Variants in RUBCN observed in about 807,000 individuals in gnomAD.
RUBCN encodes the protein run domain Beclin-1-interacting and cysteine-rich domain-containing protein.
A neutral mutation model predicts 113.2 loss-of-function variants in RUBCN; 74 were observed. That is an observed-to-expected ratio of 0.65 (90% CI 0.54 to 0.79). The LOEUF is 0.79. Ranked by LOEUF, RUBCN falls within the 30% of genes least tolerant of loss-of-function variation. RUBCN has a pLI of 0.00. For synonymous variants in RUBCN, 480 were observed against 490.0 expected, an observed-to-expected ratio of 0.98 and a Z score of 0.27; for missense variants, 1,109 against 1,251.7, an observed-to-expected ratio of 0.89 and a Z score of 1.72.
intron 14 of RUBCN, 125 bp from the exon 15 acceptor site, chr3:197,682,024 A>G (rs2108851006): frequency 1.3e-6 from 1 of 783,258 alleles, no homozygotes; most frequent in Non-Finnish European, 2.2e-6. Flanking sequence ...ATTCACCTAC[A>G]TTTTAGTTGG....
At chr3:197,693,293 C>T (rs1722636634) in intron 11 of RUBCN, among the ~76,000 whole-genome samples, 1 of 152,228 alleles carries the variant, frequency 6.6e-6, no homozygotes, top group East Asian at 1.9e-4. Flanking sequence ...GATGTTTTTC[C>T]TCTTTTGTCC....
At chr3:197,711,333 G>T (rs755825659) in intron 2 of RUBCN, among the ~76,000 whole-genome samples, 1 of 151,212 alleles carries the variant, frequency 6.6e-6, no homozygotes, top group Admixed American at 6.6e-5. Flanking sequence ...ATAAGTGATG[G>T]TACATACGTA....
At chr3:197,703,711 G>T in intron 4 of RUBCN, 57 bp from the exon 5 acceptor site, 2 of 1,064,026 alleles carry the variant, frequency 1.9e-6, no homozygotes, top group Non-Finnish European at 1.4e-6. Context: ...CTTGAGAGAA[G>T]CTTGAGGAAG....
upstream of RUBCN, among the ~76,000 whole-genome samples, chr3:197,737,561 G>C (rs1177737683): frequency 6.6e-6 from 1 of 151,966 alleles, no homozygotes; most frequent in Admixed American, 6.6e-5. Context: ...GCCAGAGCTG[G>C]GAAGGAGTGA....
rs1721372664 is a variant in RUBCN, at chr3:197,682,622, G to A, written c.1981-7C>T. ...AGTCAGGAATGGGCAGGAGCTGCAG[G>A]AGGAAAGCACAGTTGGGGTAAGCTC... On this transcript the variant is annotated splice_polypyrimidine_tract_variant and splice_region_variant and intron_variant, in intron 13 of 19. Coordinates refer to ENST00000296343, the MANE Select transcript of RUBCN (RefSeq NM_014687.4). The A allele has an allele frequency of 6.2e-7, 1 of 1,602,024 alleles. No individual in the cohort carries two copies. The highest frequency in any genetic ancestry group is 1.1e-5 in the South Asian group (1 of 89,468).
chr3:197,699,293 G>GA (rs1489290438), intron 7 of RUBCN: 3 of 1,229,620 alleles, frequency 2.4e-6, no homozygotes, highest in African/African-American at 1.5e-5. Context: ...TACAGAGAGA[G>GA]AAAAAAAGTG....
chr3:197,709,802 A>C (rs1483808373), intron 2 of RUBCN, among the ~76,000 whole-genome samples: 1 of 152,236 alleles, frequency 6.6e-6, no homozygotes, highest in Non-Finnish European at 1.5e-5. Context: ...AATAAATTAC[A>C]GATGGAACAA....
chr3:197,684,783 A>G (rs1025794528), intron 11 of RUBCN, among the ~76,000 whole-genome samples: 8 of 152,052 alleles, frequency 5.3e-5, no homozygotes, highest in Admixed American at 5.2e-4. Flanking sequence ...TTAGTGCCTA[A>G]CACATAACTG....
At chr3:197,749,264 CTT>C in intron 1 of RUBCN, 1 of 1,054,382 alleles carries the variant, frequency 9.5e-7, no homozygotes, top group Non-Finnish European at 1.2e-6. Flanking sequence ...AACAGAGGTA[CTT>C]ACCCCTCCCG....
chr3:197,717,399 G>A (rs989499342), intron 2 of RUBCN, among the ~76,000 whole-genome samples: 5 of 146,142 alleles, frequency 3.4e-5, no homozygotes, highest in South Asian at 2.2e-4. Context: ...AGCCAAGATC[G>A]CACCACCGCA....
At chr3:197,716,271 G>A (rs573709856) in intron 2 of RUBCN, among the ~76,000 whole-genome samples, 1 of 152,184 alleles carries the variant, frequency 6.6e-6, no homozygotes, top group African/African-American at 2.4e-5. Flanking sequence ...GGGATTACAG[G>A]TGCGCGCCAC....
intron 2 of RUBCN, among the ~76,000 whole-genome samples, chr3:197,713,401 G>A (rs1443238231): frequency 1.3e-5 from 2 of 152,152 alleles, no homozygotes; most frequent in Non-Finnish European, 2.9e-5. Flanking sequence ...GAGTGGCAGT[G>A]CCACTCATCT....
At chr3:197,688,539 T>C (rs768382047) in intron 11 of RUBCN, among the ~76,000 whole-genome samples, 20 of 152,222 alleles carry the variant, frequency 1.3e-4, no homozygotes, top group Non-Finnish European at 2.8e-4. Context: ...TTCTGTCTCC[T>C]GATCGGACCC....
intron 1 of RUBCN, among the ~76,000 whole-genome samples, chr3:197,725,424 C>T (rs1726620491): frequency 6.7e-6 from 1 of 150,196 alleles, no homozygotes; most frequent in Admixed American, 6.7e-5. Context: ...ATAGGAAAAA[C>T]ATACTTGACT....
chr3:197,731,466 A>C (rs886794276), intron 1 of RUBCN, among the ~76,000 whole-genome samples: 34 of 152,224 alleles, frequency 2.2e-4, no homozygotes, highest in African/African-American at 8.0e-4. Flanking sequence ...CTATTCTACA[A>C]AACCGCCATT....
chr3:197,706,141 G>A (rs1363852516), intron 2 of RUBCN, among the ~76,000 whole-genome samples: 3 of 152,130 alleles, frequency 2.0e-5, no homozygotes, highest in African/African-American at 7.2e-5. Flanking sequence ...AGCCCCTACT[G>A]CAAAAGCAAA....
intron 7 of RUBCN, 138 bp downstream of exon 7, chr3:197,700,473 TTC>T: frequency 2.6e-6 from 2 of 777,022 alleles, no homozygotes; most frequent in South Asian, 3.4e-5. Context: ...CGTTATAAAC[TTC>T]TTTCATTACA....
chr3:197,718,636 A>T (rs1282141936), intron 1 of RUBCN, among the ~76,000 whole-genome samples: 1 of 151,980 alleles, frequency 6.6e-6, no homozygotes, highest in Non-Finnish European at 1.5e-5. Flanking sequence ...TTTTTTGTAG[A>T]GATGGGGTCT....
intron 2 of RUBCN, 70 bp from the exon 3 acceptor site, chr3:197,705,245 T>A: frequency 7.1e-7 from 1 of 1,410,776 alleles, no homozygotes; most frequent in South Asian, 1.2e-5. Context: ...AGGGTTGGCA[T>A]TCAAAGATAG....
Sources: allele counts gnomAD v4.1 joint callset (sites outside exome capture counted in the v4.1 genomes callset), GRCh38; gene constraint gnomAD v4.1.1; transcripts MANE v1.5; gene names NCBI Gene and HGNC (gene_info 2026-07-23, HGNC 2026-07-21).